The following MICAL2 variants were observed in gnomAD, a reference collection of about 807,000 sequenced individuals.
MICAL2 encodes [F-actin]-monooxygenase MICAL2.
A neutral mutation model predicts 127.3 loss-of-function variants in MICAL2; 77 were observed. The observed-to-expected ratio is 0.60, with a 90% CI of 0.50 to 0.73. The LOEUF (loss-of-function observed/expected upper bound fraction) is 0.73, where lower values mean the gene tolerates loss of function less well. MICAL2 is among the 30% of genes least tolerant of loss of function. MICAL2 has a pLI of 0.00. For missense variants in MICAL2, 1,351 were observed against 1,434.4 expected, an observed-to-expected ratio of 0.94 and a Z score of 0.94; for synonymous variants, 570 against 551.1, an observed-to-expected ratio of 1.03 and a Z score of -0.48.
intron 29 of MICAL2, among the ~76,000 whole-genome samples, chr11:12,304,809 A>G (rs1420768559): frequency 6.6e-6 from 1 of 152,268 alleles, no homozygotes; most frequent in East Asian, 1.9e-4. Flanking sequence ...TTGTTCCTGA[A>G]TCACACTGTT....
At chr11:12,215,896 G>C (rs901615719) in intron 7 of MICAL2, among the ~76,000 whole-genome samples, 3 of 152,220 alleles carry the variant, frequency 2.0e-5, no homozygotes, top group Non-Finnish European at 4.4e-5. Context: ...CCCTGTCATT[G>C]CTGAGCTTCT....
intron 29 of MICAL2, among the ~76,000 whole-genome samples, chr11:12,311,696 A>G (rs767405101): frequency 6.6e-6 from 1 of 152,222 alleles, no homozygotes; most frequent in African/African-American, 2.4e-5. Context: ...GTGAGGCACC[A>G]TGCCTGGCCA....
chr11:12,199,708 G>A (rs918251834), intron 3 of MICAL2, among the ~76,000 whole-genome samples: 1 of 152,202 alleles, frequency 6.6e-6, no homozygotes, highest in Non-Finnish European at 1.5e-5. Flanking sequence ...CAGTCCTTGT[G>A]TCCTGACTGT....
chr11:12,307,218 T>C (rs755579138), intron 29 of MICAL2, among the ~76,000 whole-genome samples: 2 of 152,342 alleles, frequency 1.3e-5, no homozygotes, highest in Non-Finnish European at 2.9e-5. Context: ...TCTTTTAATG[T>C]ATGAATTTTT....
intron 29 of MICAL2, chr11:12,303,628 C>A (rs180740426): frequency 6.6e-6 from 1 of 152,264 alleles, no homozygotes; most frequent in African/African-American, 2.4e-5. Context: ...GTGGCTCATG[C>A]CAAATGATGT....
intron 21 of MICAL2, among the ~76,000 whole-genome samples, 161 bp downstream of exon 21, chr11:12,244,273 G>C (rs921402712): frequency 6.6e-6 from 1 of 152,162 alleles, no homozygotes; most frequent in African/African-American, 2.4e-5. Context: ...TTTTGTGTTA[G>C]AGCACACAAC....
At chr11:12,306,933 T>C (rs1335721413) in intron 29 of MICAL2, among the ~76,000 whole-genome samples, 1 of 152,254 alleles carries the variant, frequency 6.6e-6, no homozygotes, top group African/African-American at 2.4e-5. Flanking sequence ...TGTACAGGTC[T>C]CTGTGTAGAG....
rs773836621 is a variant in MICAL2 at position 12,220,330 on chromosome 11, C to T, written c.1078C>T (p.His360Tyr). 6.2e-7 allele frequency: 1 copy of T among 1,614,242 alleles called. No individual in the cohort carries two copies. Among genetic ancestry groups the T allele is most frequent in the Non-Finnish European group, 8.5e-7 (1 of 1,180,046 alleles). Residue 360 changes from histidine (H) to tyrosine (Y), a missense_variant, in exon 9 of 28, where the codon CAC (histidine) becomes TAC (tyrosine). His to Tyr is a moderately conservative substitution (Grantham distance 83, BLOSUM62 2). Coordinates refer to ENST00000683283, the MANE Select transcript of MICAL2 (RefSeq NM_001282663.2). Reference protein sequence around the residue: ...QLPSLDFAMNHYGQPDVAMFD... With the variant: ...QLPSLDFAMNYYGQPDVAMFD... ...GCCATCCTTAGACTTTGCCATGAAC[C>T]ACTATGGGCAGCCTGATGTGGCCAT...
intron 3 of MICAL2, among the ~76,000 whole-genome samples, chr11:12,191,961 G>A (rs538033469): frequency 6.6e-6 from 1 of 152,002 alleles, no homozygotes; most frequent in East Asian, 1.9e-4. Flanking sequence ...CAGGGCAGGA[G>A]GACCAGCAAG....
intron 22 of MICAL2, among the ~76,000 whole-genome samples, chr11:12,250,669 A>G (rs1590639062): frequency 6.6e-6 from 1 of 152,272 alleles, no homozygotes; most frequent in East Asian, 1.9e-4. Context: ...GAAAATTACA[A>G]GAATATTGAG....
chr11:12,141,288 C>A (rs758366197), intron 2 of MICAL2, among the ~76,000 whole-genome samples: 2 of 152,084 alleles, frequency 1.3e-5, no homozygotes, highest in Non-Finnish European at 2.9e-5. Flanking sequence ...ACCTCAGGGG[C>A]CTTCAGATTT....
At chr11:12,216,963 C>T (rs537159720) in intron 8 of MICAL2, among the ~76,000 whole-genome samples, 16 of 152,360 alleles carry the variant, frequency 1.1e-4, no homozygotes, top group Admixed American at 9.1e-4. Flanking sequence ...CCCTCTGTAA[C>T]TTCTCAGCCT....
At chr11:12,265,092 C>T (rs1863567279), downstream of MICAL2, among the ~76,000 whole-genome samples, 1 of 152,182 alleles carries the variant, frequency 6.6e-6, no homozygotes, top group Admixed American at 6.5e-5. Context: ...GGTGCTTCAC[C>T]AACAAAGGAG....
At chr11:12,343,808 T>C (rs1938909445) in intron 32 of MICAL2, among the ~76,000 whole-genome samples, 1 of 152,222 alleles carries the variant, frequency 6.6e-6, no homozygotes, top group African/African-American at 2.4e-5. Flanking sequence ...CTCTCAGCTT[T>C]TCTGTTTTCT....
chr11:12,309,613 C>A (rs541804426), intron 29 of MICAL2, among the ~76,000 whole-genome samples: 4 of 151,992 alleles, frequency 2.6e-5, no homozygotes, highest in Admixed American at 2.6e-4. Context: ...TGTATCTTGG[C>A]TATTCTGCTG....
At chr11:12,129,283 T>C (rs1851205765) in intron 1 of MICAL2, among the ~76,000 whole-genome samples, 1 of 152,160 alleles carries the variant, frequency 6.6e-6, no homozygotes, top group African/African-American at 2.4e-5. Context: ...ATTTGGAAAA[T>C]GTCTGATATT....
At chr11:12,280,968 G>A (rs2403612) in exon 2 of MICAL2, 14 of 398,694 alleles carry the variant, frequency 3.5e-5, no homozygotes, top group South Asian at 1.3e-4. Flanking sequence ...GGCAGCGAGG[G>A]CTCCCACACA....
chr11:12,313,595 G>A (rs1013607828), intron 29 of MICAL2, among the ~76,000 whole-genome samples: 37 of 152,092 alleles, frequency 2.4e-4, no homozygotes, highest in African/African-American at 8.4e-4. Flanking sequence ...TTATATATGT[G>A]TATATGTACA....
chr11:12,254,786 C>T (rs1449782247), intron 22 of MICAL2: 1 of 152,046 alleles, frequency 6.6e-6, no homozygotes, highest in Non-Finnish European at 1.5e-5. Context: ...GGCCTTGCAC[C>T]CCACGGTGAA....
Sources: allele counts gnomAD v4.1 joint callset (sites outside exome capture counted in the v4.1 genomes callset), GRCh38; gene constraint gnomAD v4.1.1; transcripts MANE v1.5; gene names NCBI Gene and HGNC (gene_info 2026-07-23, HGNC 2026-07-21).